LRBA: variants seen among roughly 807,000 people sequenced by gnomAD.
LRBA encodes the protein lipopolysaccharide-responsive and beige-like anchor protein.
A neutral mutation model predicts 330.0 loss-of-function variants in LRBA; 176 were observed. The observed-to-expected ratio is 0.53, with a 90% CI of 0.47 to 0.60. The LOEUF (loss-of-function observed/expected upper bound fraction) is 0.60. Ranked by LOEUF, LRBA falls within the 20% of genes least tolerant of loss-of-function variation. The pLI, the probability that LRBA is intolerant of heterozygous loss-of-function variation, is 0.00. For missense variants in LRBA, 3,259 were observed against 3,444.8 expected (o/e 0.95, Z 1.35); for synonymous variants, 1,230 against 1,193.0 (o/e 1.03, Z -0.64).
chr4:150,518,357 A>C lies in LRBA; in HGVS notation c.6331-27322T>G, dbSNP rs181753106. ...GCTACTCAGAATGGTGCACAATATAAAACATAAATTGTTTATTTTGGGAAT... is the reference window on the plus strand; with the variant it reads ...GCTACTCAGAATGGTGCACAATATACAACATAAATTGTTTATTTTGGGAAT... On this transcript the variant is annotated intron_variant, in intron 40 of 56. Coordinates refer to ENST00000651943, the MANE Select transcript of LRBA (RefSeq NM_001364905.1). Among the ~76,000 whole-genome samples the C allele has an allele frequency of 5.4e-3, 816 of 152,292 alleles. 2 individuals carry two copies. The highest frequency in any genetic ancestry group is 7.1e-3 in the Non-Finnish European group (483 of 68,020).
chr4:150,405,118 C>A (rs1746007788), intron 47 of LRBA, among the ~76,000 whole-genome samples: 1 of 152,068 alleles, frequency 6.6e-6, no homozygotes, highest in Non-Finnish European at 1.5e-5. Context: ...AAGATGGAAA[C>A]CCTAACAGAG....
At chr4:150,982,573 T>A (rs1482217768) in intron 2 of LRBA, among the ~76,000 whole-genome samples, 2 of 150,662 alleles carry the variant, frequency 1.3e-5, no homozygotes, top group Non-Finnish European at 2.9e-5. Context: ...TTATCAGAGA[T>A]TTTTTAATTT....
At chr4:150,953,918 A>G (rs1362078114) in intron 2 of LRBA, among the ~76,000 whole-genome samples, 3 of 143,846 alleles carry the variant, frequency 2.1e-5, no homozygotes, top group Non-Finnish European at 4.5e-5. Flanking sequence ...GGAAGTGAGG[A>G]GCATCTCTGC....
At chr4:150,295,786 A>G (rs921099809) in intron 53 of LRBA, among the ~76,000 whole-genome samples, 1 of 152,272 alleles carries the variant, frequency 6.6e-6, no homozygotes, top group East Asian at 1.9e-4. Flanking sequence ...CAATATTACA[A>G]ATTTATAGTA....
chr4:150,837,810 A>T (rs1306317251), intron 28 of LRBA, among the ~76,000 whole-genome samples: 1 of 152,272 alleles, frequency 6.6e-6, no homozygotes, highest in Middle Eastern at 3.4e-3. Flanking sequence ...TAATATTGTT[A>T]TGTGTGAATT....
intron 36 of LRBA, among the ~76,000 whole-genome samples, chr4:150,693,822 T>C (rs1350900915): frequency 6.6e-6 from 1 of 152,092 alleles, no homozygotes; most frequent in East Asian, 1.9e-4. Flanking sequence ...AGTAATAAGT[T>C]TTTTAAGAAA....
intron 40 of LRBA, among the ~76,000 whole-genome samples, chr4:150,497,845 A>G (rs76362339): frequency 0.019 from 2,867 of 152,248 alleles, 38 homozygotes; most frequent in Non-Finnish European, 0.032. Flanking sequence ...ATAAAACCAC[A>G]GCAAATGATG....
At chr4:150,327,103 A>G (rs1484626895) in intron 48 of LRBA, among the ~76,000 whole-genome samples, 1 of 152,142 alleles carries the variant, frequency 6.6e-6, no homozygotes, top group Non-Finnish European at 1.5e-5. Flanking sequence ...GAACTTATGG[A>G]CTTAGTTTAT....
At chr4:150,422,023 C>T (rs940781577) in intron 46 of LRBA, among the ~76,000 whole-genome samples, 3 of 152,148 alleles carry the variant, frequency 2.0e-5, no homozygotes, top group African/African-American at 7.2e-5. Flanking sequence ...TTTGGGAGGC[C>T]AAGGTGGGAG....
Position 151,014,705 on chromosome 4 carries a change from T to C in LRBA, c.-63A>G, listed in dbSNP as rs781556219. ...GGGACGGCAGTCGCTGCACTGGTAA[T>C]GAGCACAACACACGCAATGCAAAAC... is the stretch of plus-strand genomic sequence containing the variant. On this transcript the variant is annotated 5_prime_UTR_variant, in exon 2 of 57. Transcript: ENST00000651943. 5.5e-6 allele frequency: 6 copies of C among 1,090,842 alleles called. No homozygotes were observed. Among genetic ancestry groups the C allele is most frequent in the Non-Finnish European group, 8.0e-6 (6 of 748,582 alleles). 67.6% of individuals were successfully genotyped at this position (1,090,842 alleles called of 1,614,324 possible). A position where few individuals can be genotyped will look rare whatever the true frequency, so the allele number is the denominator to read the frequency against.
chr4:150,652,488 A>T (rs556913459), intron 37 of LRBA, among the ~76,000 whole-genome samples: 1 of 152,270 alleles, frequency 6.6e-6, no homozygotes, highest in South Asian at 2.1e-4. Context: ...TGTTTCCCAT[A>T]AACTGGTTAT....
intron 42 of LRBA, among the ~76,000 whole-genome samples, chr4:150,486,824 C>T (rs191374208): frequency 4.0e-5 from 6 of 151,864 alleles, no homozygotes; most frequent in Non-Finnish European, 8.8e-5. Context: ...TTGGTAACCA[C>T]GATTCTACTC....
intron 42 of LRBA, among the ~76,000 whole-genome samples, chr4:150,478,074 C>G (rs988486613): frequency 6.6e-6 from 1 of 152,078 alleles, no homozygotes; most frequent in South Asian, 2.1e-4. Context: ...CTTACCTAAC[C>G]TTTACATGTT....
intron 36 of LRBA, chr4:150,721,150 C>T: frequency 1.7e-6 from 1 of 586,042 alleles, no homozygotes; most frequent in Non-Finnish European, 3.3e-6. Flanking sequence ...GAGCAATGTG[C>T]AATGGCCATA....
At chr4:150,668,376 G>A (rs1465965605) in intron 37 of LRBA, among the ~76,000 whole-genome samples, 1 of 152,150 alleles carries the variant, frequency 6.6e-6, no homozygotes, top group South Asian at 2.1e-4. Flanking sequence ...GTCAGTCTGA[G>A]AATGATGTGG....
At chr4:150,854,274 A>G (rs1400040896) in intron 22 of LRBA, among the ~76,000 whole-genome samples, 1 of 152,242 alleles carries the variant, frequency 6.6e-6, no homozygotes, top group Admixed American at 6.5e-5. Context: ...AAACTTAGAA[A>G]TCTTTTTATA....
chr4:150,683,640 A>G lies in LRBA; in HGVS notation c.5832T>C (p.Tyr1944=), dbSNP rs181340829. Residue 1944 remains tyrosine, a synonymous_variant, in exon 37 of 57, where the codon TAT becomes TAC. Transcript: ENST00000651943. The part of the protein sequence containing the change: ...MCDHLIRAAK[Y]RDHVTATQLI... ...GTTGAGTTGCTGTCACGTGGTCACG[A>G]TATTTTGCTGCTCTTATCAAATGAT... 1.2e-6 allele frequency: 2 copies of G among 1,613,582 alleles called. No individual in the cohort carries two copies. The highest frequency in any genetic ancestry group is 3.3e-5 in the Admixed American group (2 of 59,982).
chr4:150,727,750 C>T (rs754793989), intron 36 of LRBA, among the ~76,000 whole-genome samples: 4 of 150,884 alleles, frequency 2.7e-5, no homozygotes, highest in South Asian at 2.1e-4. Flanking sequence ...TATAAATGCC[C>T]GTGTCAAAAA....
At chr4:150,525,215 T>TA (rs963825151) in intron 40 of LRBA, among the ~76,000 whole-genome samples, 6 of 151,836 alleles carry the variant, frequency 4.0e-5, no homozygotes, top group East Asian at 1.9e-4. Flanking sequence ...TCTGCATATT[T>TA]AAAAAAAACT....
Sources: allele counts gnomAD v4.1 joint callset (sites outside exome capture counted in the v4.1 genomes callset), GRCh38; gene constraint gnomAD v4.1.1; transcripts MANE v1.5; gene names NCBI Gene and HGNC (gene_info 2026-07-23, HGNC 2026-07-21).